BABAM2: variants seen among roughly 807,000 people sequenced by gnomAD.
BABAM2 encodes BRISC and BRCA1-A complex member 2.
Under a neutral mutation model 54.7 loss-of-function variants are expected in BABAM2, and 31 were observed. That is an observed-to-expected ratio of 0.57 (90% CI 0.43 to 0.77). The LOEUF is 0.77. BABAM2 is among the 30% of genes least tolerant of loss of function. The pLI, the probability that BABAM2 is intolerant of heterozygous loss-of-function variation, is 0.00. For missense variants in BABAM2, 364 were observed against 455.8 expected (o/e 0.80, Z 1.83); for synonymous variants, 167 against 162.9 (o/e 1.03, Z -0.19).
chr2:28,007,574 A>G (rs1674065828), intron 4 of BABAM2, among the ~76,000 whole-genome samples: 2 of 152,134 alleles, frequency 1.3e-5, no homozygotes, highest in Admixed American at 1.3e-4. Flanking sequence ...TTCTGGAAGC[A>G]CAATTATAAG....
At chr2:28,006,077 A>C (rs1673942748) in intron 4 of BABAM2, among the ~76,000 whole-genome samples, 1 of 152,066 alleles carries the variant, frequency 6.6e-6, no homozygotes, top group African/African-American at 2.4e-5. Context: ...AGTCTTTTTA[A>C]GTTACTGGTT....
At position 27,984,073 on chromosome 2, in the gene BABAM2, C is replaced by T. The variant is rs568125530; in HGVS notation, c.206-3920C>T. Among the ~76,000 whole-genome samples, 4 of 149,036 alleles carry T rather than the reference C, an allele frequency of 2.7e-5. No individual in the cohort carries two copies. The South Asian group carries it at 6.5e-4, about 24-fold the overall frequency. On this transcript the variant is annotated intron_variant, in intron 3 of 11. Coordinates refer to ENST00000379624, the MANE Select transcript of BABAM2 (RefSeq NM_199191.3). ...TTTACCAGTTTGGAAATATTTATTA[C>T]TAGCAGTGTTCCTTTGTGAACTTGA...
chr2:28,090,197 T>TACA (rs1666040868), intron 6 of BABAM2, among the ~76,000 whole-genome samples: 1 of 152,210 alleles, frequency 6.6e-6, no homozygotes, highest in African/African-American at 2.4e-5. Context: ...AGTGCTTGTA[T>TACA]TTGCCACAAA....
chr2:27,973,008 T>C (rs1671334381), intron 3 of BABAM2, among the ~76,000 whole-genome samples: 1 of 151,870 alleles, frequency 6.6e-6, no homozygotes, highest in Non-Finnish European at 1.5e-5. Context: ...CCTCAGATGA[T>C]CCGCCCGCCT....
At chr2:28,036,239 G>T (rs1449982436) in intron 5 of BABAM2, among the ~76,000 whole-genome samples, 2 of 152,020 alleles carry the variant, frequency 1.3e-5, no homozygotes, top group African/African-American at 4.8e-5. Flanking sequence ...TGTACTAAAA[G>T]GCAAAAGACA....
chr2:27,983,450 A>C (rs1478278251), intron 3 of BABAM2, among the ~76,000 whole-genome samples: 6 of 151,952 alleles, frequency 3.9e-5, no homozygotes, highest in Non-Finnish European at 8.8e-5. Context: ...CATCCCTTCC[A>C]TTTTCATATG....
intron 3 of BABAM2, among the ~76,000 whole-genome samples, chr2:27,948,729 C>T (rs1249824095): frequency 6.6e-6 from 1 of 152,002 alleles, no homozygotes; most frequent in East Asian, 1.9e-4. Context: ...TGAAATCACG[C>T]CACTGCACTC....
At chr2:27,941,488 G>T (rs1471058651) in intron 3 of BABAM2, among the ~76,000 whole-genome samples, 1 of 151,882 alleles carries the variant, frequency 6.6e-6, no homozygotes, top group African/African-American at 2.4e-5. Context: ...CCTGGGAGGC[G>T]GAGGTTGCAG....
intron 4 of BABAM2, among the ~76,000 whole-genome samples, chr2:27,993,734 C>A (rs188829584): frequency 5.5e-4 from 84 of 152,216 alleles, no homozygotes; most frequent in Non-Finnish European, 7.8e-4. Context: ...GGGTAGTGAA[C>A]CTAATGCTAC....
At chr2:28,024,095 C>T (rs960387085) in intron 4 of BABAM2, among the ~76,000 whole-genome samples, 1 of 152,140 alleles carries the variant, frequency 6.6e-6, no homozygotes, top group Non-Finnish European at 1.5e-5. Flanking sequence ...GTTAAAAAAA[C>T]AACGACAGTT....
rs574681812 is a variant in BABAM2, at chr2:28,306,995, C to T, written c.1088+8504C>T. 6.2e-3 allele frequency among the ~76,000 whole-genome samples: 163 copies of T among 26,370 alleles called. 2 individuals are homozygous for T. The highest frequency in any genetic ancestry group is 8.0e-3 in the Admixed American group (14 of 1,758). 17.3% of individuals were successfully genotyped at this position (26,370 alleles called of 152,430 possible). ...ACAGGCATGAGCCACCACACCTGGC[C>T]TTTTTTTTTTTTTTTTTTTTTTTTT... On this transcript the variant is annotated intron_variant, in intron 11 of 11. Transcript: ENST00000379624.
chr2:28,026,965 TATATAA>T (rs1465802166), intron 5 of BABAM2, among the ~76,000 whole-genome samples: 46 of 83,974 alleles, frequency 5.5e-4, no homozygotes, highest in South Asian at 1.6e-3. Context: ...TATAAATATA[TATATAA>T]ATATATAAAT....
At chr2:28,022,023 C>T (rs886303753) in intron 4 of BABAM2, among the ~76,000 whole-genome samples, 1 of 152,210 alleles carries the variant, frequency 6.6e-6, no homozygotes, top group Non-Finnish European at 1.5e-5. Flanking sequence ...TACTATTCCT[C>T]ACTGTCTTTC....
In BABAM2 at chr2:28,094,497, A is replaced by G. The variant is rs566730360; in HGVS notation, c.571-34774A>G. ...ATTTTTCAAATAGACAAAGAAGCTG[A>G]TGAATATTTGTATTATTACAAGTTA... is the stretch of plus-strand genomic sequence containing the variant. On this transcript the variant is annotated intron_variant, in intron 6 of 11. Transcript: ENST00000379624. Among the ~76,000 whole-genome samples, 12 of 152,324 alleles carry G rather than the reference A, an allele frequency of 7.9e-5. No homozygotes were observed. The South Asian group carries it at 1.7e-3, about 21-fold the overall frequency.
intron 3 of BABAM2, among the ~76,000 whole-genome samples, chr2:27,932,020 C>CATAATTATGCATAA (rs2148356437): frequency 6.6e-6 from 1 of 152,300 alleles, no homozygotes; most frequent in Admixed American, 6.5e-5. Flanking sequence ...ATAATTATCA[C>CATAATTATGCATAA]TGTGAGATTT....
At chr2:28,247,083 T>C (rs1052278952) in intron 10 of BABAM2, among the ~76,000 whole-genome samples, 4 of 152,200 alleles carry the variant, frequency 2.6e-5, no homozygotes, top group Admixed American at 1.3e-4. Context: ...TTCAGAAACA[T>C]AGAACCCCCA....
chr2:28,317,204 T>C (rs1689631301), intron 11 of BABAM2, among the ~76,000 whole-genome samples: 1 of 152,206 alleles, frequency 6.6e-6, no homozygotes, highest in African/African-American at 2.4e-5. Flanking sequence ...CTCACTGCTT[T>C]CTTTGCCCCA....
chr2:28,188,908 A>G (rs966385025), intron 7 of BABAM2, among the ~76,000 whole-genome samples: 8 of 152,378 alleles, frequency 5.3e-5, no homozygotes, highest in South Asian at 2.1e-4. Context: ...CATTAAAAAA[A>G]GGATTTCTCT....
chr2:28,319,773 C>G (rs984641780), intron 11 of BABAM2, among the ~76,000 whole-genome samples: 5 of 152,262 alleles, frequency 3.3e-5, no homozygotes, highest in African/African-American at 1.2e-4. Flanking sequence ...TTGGCTCCTC[C>G]TGCCAGCTTC....
Sources: allele counts gnomAD v4.1 joint callset (sites outside exome capture counted in the v4.1 genomes callset), GRCh38; gene constraint gnomAD v4.1.1; transcripts MANE v1.5; gene names NCBI Gene and HGNC (gene_info 2026-07-23, HGNC 2026-07-21).